The following CDH23 variants were observed in gnomAD, a reference collection of about 807,000 sequenced individuals.
CDH23 encodes the protein cadherin-23.
In CDH23, 189 loss-of-function variants were observed where a neutral mutation model predicts 317.1. That is an observed-to-expected ratio of 0.60 (90% CI 0.53 to 0.67). The LOEUF (loss-of-function observed/expected upper bound fraction) is 0.67, where lower values mean the gene tolerates loss of function less well. Ranked by LOEUF, CDH23 falls within the 30% of genes least tolerant of loss-of-function variation. The probability of loss-of-function intolerance (pLI) is 0.00; values close to 1 mark genes in which losing one functional copy is unlikely to be tolerated. For synonymous variants in CDH23, 1,839 were observed against 1,876.8 expected, an observed-to-expected ratio of 0.98 and a Z score of 0.52; for missense variants, 4,401 against 4,592.4, an observed-to-expected ratio of 0.96 and a Z score of 1.20.
intron 14 of CDH23, among the ~76,000 whole-genome samples, chr10:71,666,814 A>C (rs1266426165): frequency 1.3e-5 from 2 of 152,104 alleles, no homozygotes; most frequent in Non-Finnish European, 2.9e-5. Context: ...CAGCCACTCC[A>C]ACCCCCCAGA....
intron 45 of CDH23, among the ~76,000 whole-genome samples, 161 bp downstream of exon 45, chr10:71,789,203 G>A (rs914131228): frequency 1.3e-5 from 2 of 152,182 alleles, no homozygotes; most frequent in African/African-American, 4.8e-5. Context: ...GGTGGGCTGG[G>A]GCTCCCGGGC....
At position 71,617,332 on chromosome 10, in the gene CDH23, C is replaced by T. The variant is rs1231376545; in HGVS notation, c.1073C>T (p.Thr358Ile). The T allele has an allele frequency of 1.2e-6, 2 of 1,613,988 alleles. 1 individual carries two copies. The highest frequency in any genetic ancestry group is 2.2e-5 in the South Asian group (2 of 91,078). Residue 358 changes from threonine to isoleucine, a missense_variant, in exon 11 of 70, where the codon ACT becomes ATT. Physicochemically the swap from Thr to Ile is moderately conservative, Grantham distance 89 (BLOSUM62 -1). Coordinates refer to ENST00000224721, the MANE Select transcript of CDH23 (RefSeq NM_022124.6). ...FNSSEYSVAI[T>I]ELAQVGFALP... Reference sequence around the variant, plus strand: ...AGCTCCGAGTACAGCGTGGCCATCACTGAGCTGGCACAGGTCGGCTTTGCC... The same window carrying T: ...AGCTCCGAGTACAGCGTGGCCATCATTGAGCTGGCACAGGTCGGCTTTGCC...
chr10:71,586,246 T>G (rs191223043), intron 9 of CDH23, among the ~76,000 whole-genome samples: 1 of 152,354 alleles, frequency 6.6e-6, no homozygotes, highest in African/African-American at 2.4e-5. Context: ...GGTTACCACA[T>G]GTCAACAGGA....
chr10:71,447,085 C>T lies in CDH23; in HGVS notation c.145+690C>T, dbSNP rs373723645. 6.6e-5 allele frequency among the ~76,000 whole-genome samples: 10 copies of T among 152,194 alleles called. 1 individual carries two copies. In the East Asian group the frequency reaches 1.2e-3, roughly 18 times the overall value. ...CAGCCCTCCTGTGTCATGTCATTCT[C>T]GCTGGTGTCACTTTAGGGAAAGTGC... On this transcript the variant is annotated intron_variant, in intron 3 of 69. Coordinates refer to ENST00000224721, the MANE Select transcript of CDH23 (RefSeq NM_022124.6).
Position 71,811,760 on chromosome 10 carries a change from G to A in CDH23, c.9319+7G>A, listed in dbSNP as rs529444208. 6.4e-7 allele frequency: 1 copy of A among 1,569,232 alleles called. No homozygotes were observed. The highest frequency in any genetic ancestry group is 1.4e-5 in the African/African-American group (1 of 73,772). On this transcript the variant is annotated splice_region_variant and intron_variant, in intron 65 of 69. Coordinates refer to ENST00000224721, the MANE Select transcript of CDH23 (RefSeq NM_022124.6). The stretch of plus-strand genomic sequence containing the variant: ...ATTGTGGCTGGCTCAGCTGGTAAGT[G>A]AGGGCCATAGTGGGGACACAGGTGA...
At chr10:71,441,255 C>G (rs78811515) in intron 2 of CDH23, among the ~76,000 whole-genome samples, 20 of 152,140 alleles carry the variant, frequency 1.3e-4, no homozygotes, top group South Asian at 4.1e-4. Flanking sequence ...CCGCTCCCCC[C>G]CTGCCTCATG....
chr10:71,619,355 T>A (rs1473978060), intron 11 of CDH23, among the ~76,000 whole-genome samples: 1 of 152,024 alleles, frequency 6.6e-6, no homozygotes, highest in Non-Finnish European at 1.5e-5. Context: ...AAACAAATTT[T>A]TTAATGTAGT....
Position 71,673,795 on chromosome 10 carries a change from A to C in CDH23, c.1450-1317A>C, listed in dbSNP as rs77559244. ...GCTGTTGTGAGGGTGAAGGGGTTGT[A>C]GGTAGAAGGCGTGCAGGAGCCAGCA... On this transcript the variant is annotated intron_variant, in intron 14 of 69. Coordinates refer to ENST00000224721, the MANE Select transcript of CDH23 (RefSeq NM_022124.6). Among the ~76,000 whole-genome samples, 421 of 152,314 alleles carry C rather than the reference A, an allele frequency of 2.8e-3. 3 individuals carry two copies. Among genetic ancestry groups the C allele is most frequent in the African/African-American group, 9.7e-3 (402 of 41,564 alleles).
intron 31 of CDH23, 95 bp from the exon 32 acceptor site, chr10:71,731,892 C>G: frequency 7.2e-7 from 1 of 1,391,024 alleles, no homozygotes; most frequent in Non-Finnish European, 9.7e-7. Context: ...GCTGGGTGGG[C>G]CACCCAGGGG....
At position 71,792,842 on chromosome 10, in the gene CDH23, AAAAAAAAAAAATATAT is replaced by A. The variant is rs1337965031; in HGVS notation, c.6254-338_6254-323del. Among the ~76,000 whole-genome samples the A allele has an allele frequency of 2.3e-3, 160 of 70,822 alleles. 2 individuals carry two copies. Among genetic ancestry groups the A allele is most frequent in the South Asian group, 9.4e-3 (22 of 2,332 alleles). The allele number at this position is 70,822 out of a possible 152,430, so 46.5% of individuals were successfully genotyped here. A position where few individuals can be genotyped will look rare whatever the true frequency, so the allele number is the denominator to read the frequency against. On this transcript the variant is annotated intron_variant, in intron 47 of 69. Transcript: ENST00000224721. ...ATCTAAAAAAAAAAAAAAAAAAAAA[AAAAAAAAAAAATATAT>A]ATATATATATATATATATGTCTCAA...
intron 6 of CDH23, among the ~76,000 whole-genome samples, chr10:71,531,327 A>G (rs1055453743): frequency 6.6e-6 from 1 of 152,178 alleles, no homozygotes; most frequent in African/African-American, 2.4e-5. Flanking sequence ...CAGTGCAAAC[A>G]ATCGGTGTCC....
At chr10:71,798,320 T>C in intron 49 of CDH23, 34 bp from the exon 50 acceptor site, 3 of 1,536,144 alleles carry the variant, frequency 2.0e-6, no homozygotes, top group Non-Finnish European at 2.7e-6. Context: ...ACTAGTGTCC[T>C]TCCCCTCTCC....
At chr10:71,692,795 C>T (rs1352838209) in intron 20 of CDH23, among the ~76,000 whole-genome samples, 3 of 152,196 alleles carry the variant, frequency 2.0e-5, no homozygotes, top group Non-Finnish European at 1.5e-5. Flanking sequence ...AGCGACTTGG[C>T]CCAGGTCACA....
At chr10:71,697,766 A>C (rs1319885290) in intron 22 of CDH23, among the ~76,000 whole-genome samples, 1 of 152,106 alleles carries the variant, frequency 6.6e-6, no homozygotes, top group Non-Finnish European at 1.5e-5. Context: ...CACCCTGTGC[A>C]AAAGCCAGAG....
Position 71,615,547 on chromosome 10 carries a change from G to A in CDH23, c.876G>A (p.Val292=). 1.2e-6 allele frequency: 2 copies of A among 1,613,858 alleles called. No homozygotes were observed. The highest frequency in any genetic ancestry group is 1.1e-5 in the South Asian group (1 of 91,062). ...TTGCCCTGGACTACATCAGCGGAGT[G>A]CTGACCTTGAATGGCCTGCTGGACC... ...SIFALDYISG[V]LTLNGLLDRE... is the part of the protein sequence containing the mutation. The change falls in exon 10 of 70, where the codon GTG becomes GTA. Residue 292 remains valine (V), a synonymous_variant. Coordinates refer to ENST00000224721, the MANE Select transcript of CDH23 (RefSeq NM_022124.6).
At chr10:71,507,778 G>T (rs969983942) in intron 3 of CDH23, among the ~76,000 whole-genome samples, 6 of 152,174 alleles carry the variant, frequency 3.9e-5, no homozygotes, top group African/African-American at 1.4e-4. Flanking sequence ...TTGTCACCGG[G>T]CAATGCAAAC....
intron 3 of CDH23, among the ~76,000 whole-genome samples, chr10:71,467,370 T>G (rs12265176): frequency 0.079 from 11,972 of 152,030 alleles, 533 homozygotes; most frequent in Middle Eastern, 0.12. Flanking sequence ...ATCCTCAGAG[T>G]TTCTGGTTGA....
intron 9 of CDH23, 58 bp downstream of exon 9, chr10:71,578,050 G>C: frequency 6.7e-7 from 1 of 1,499,430 alleles, no homozygotes; most frequent in Non-Finnish European, 9.1e-7. Context: ...CCCAAGGAGA[G>C]CCAGTAGGCA....
At chr10:71,761,632 C>T in intron 38 of CDH23, 3 of 1,609,084 alleles carry the variant, frequency 1.9e-6, no homozygotes, top group Non-Finnish European at 2.5e-6. Context: ...CACCATGGAC[C>T]CTGTGCTCCG....
Sources: allele counts gnomAD v4.1 joint callset (sites outside exome capture counted in the v4.1 genomes callset), GRCh38; gene constraint gnomAD v4.1.1; transcripts MANE v1.5; gene names NCBI Gene and HGNC (gene_info 2026-07-23, HGNC 2026-07-21).